GRAMD1B: variants seen among roughly 807,000 people sequenced by gnomAD.
The protein encoded by GRAMD1B is protein Aster-B.
In GRAMD1B, 37 loss-of-function variants were observed where a neutral mutation model predicts 99.7. The observed-to-expected ratio is 0.37, with a 90% CI of 0.29 to 0.49. The LOEUF is 0.49. Ranked by LOEUF, GRAMD1B falls within the 20% of genes least tolerant of loss-of-function variation. The probability of loss-of-function intolerance (pLI) is 0.98; values close to 1 mark genes in which losing one functional copy is unlikely to be tolerated. For missense variants in GRAMD1B, 888 were observed against 1,009.2 expected (o/e 0.88, Z 1.63); for synonymous variants, 427 against 387.6 (o/e 1.10, Z -1.19).
intron 2 of GRAMD1B, among the ~76,000 whole-genome samples, chr11:123,550,124 C>T (rs1945465420): frequency 6.6e-6 from 1 of 152,072 alleles, no homozygotes; most frequent in Non-Finnish European, 1.5e-5. Context: ...AAGTAACTCA[C>T]ATCCGTGAGC....
At chr11:123,503,826 T>A (rs1940145688) in intron 2 of GRAMD1B, among the ~76,000 whole-genome samples, 1 of 152,180 alleles carries the variant, frequency 6.6e-6, no homozygotes, top group Non-Finnish European at 1.5e-5. Context: ...GGATTATAGA[T>A]GTTAGCCACC....
chr11:123,403,692 C>G (rs942887532), intron 1 of GRAMD1B, among the ~76,000 whole-genome samples: 2 of 151,490 alleles, frequency 1.3e-5, no homozygotes, highest in African/African-American at 4.8e-5. Flanking sequence ...TACAGGCATG[C>G]ACAACCACGC....
At chr11:123,539,268 T>A (rs1332747991) in intron 2 of GRAMD1B, among the ~76,000 whole-genome samples, 2 of 152,004 alleles carry the variant, frequency 1.3e-5, no homozygotes, top group African/African-American at 4.8e-5. Context: ...CCAATTTTCA[T>A]TCAGCTGTCA....
intron 1 of GRAMD1B, among the ~76,000 whole-genome samples, chr11:123,379,942 A>T (rs1946817544): frequency 6.6e-6 from 1 of 152,190 alleles, no homozygotes; most frequent in Admixed American, 6.5e-5. Context: ...ATGGCTCATG[A>T]CGTTCAGTAT....
intron 1 of GRAMD1B, among the ~76,000 whole-genome samples, chr11:123,385,632 T>C (rs1408959600): frequency 6.6e-6 from 1 of 152,196 alleles, no homozygotes; most frequent in African/African-American, 2.4e-5. Context: ...CCTATCCCAC[T>C]GCACTTCCCT....
intron 1 of GRAMD1B, among the ~76,000 whole-genome samples, chr11:123,363,820 T>G (rs1230150197): frequency 6.6e-6 from 1 of 152,210 alleles, no homozygotes; most frequent in Non-Finnish European, 1.5e-5. Flanking sequence ...CATCTAGTAC[T>G]TGGTGAGAAC....
At chr11:123,498,364 C>T (rs1300231675) in intron 2 of GRAMD1B, among the ~76,000 whole-genome samples, 1 of 152,228 alleles carries the variant, frequency 6.6e-6, no homozygotes, top group African/African-American at 2.4e-5. Flanking sequence ...TTGCTGCGCT[C>T]TCCCTCTCCC....
chr11:123,453,713 T>A (rs991634013), intron 1 of GRAMD1B, among the ~76,000 whole-genome samples: 1 of 152,222 alleles, frequency 6.6e-6, no homozygotes, highest in African/African-American at 2.4e-5. Context: ...GAAAGAAATT[T>A]TAATTTGCCT....
At chr11:123,595,299 T>TA (rs397708822) in intron 6 of GRAMD1B, among the ~76,000 whole-genome samples, 2 of 151,302 alleles carry the variant, frequency 1.3e-5, no homozygotes, top group Non-Finnish European at 3.0e-5. Flanking sequence ...TTTTTTTTTT[T>TA]AAACAGAGTT....
chr11:123,586,934 T>G (rs1278953164), intron 4 of GRAMD1B, among the ~76,000 whole-genome samples: 2 of 152,170 alleles, frequency 1.3e-5, no homozygotes, highest in African/African-American at 4.8e-5. Context: ...GTAAAGGCAT[T>G]GTAACGCCCA....
chr11:123,509,774 A>G (rs1940793033), intron 2 of GRAMD1B: 1 of 152,356 alleles, frequency 6.6e-6, no homozygotes, highest in African/African-American at 2.4e-5. Context: ...GCCAGAGAGG[A>G]AGCTGTAGTC....
In GRAMD1B at chr11:123,562,375, G is replaced by A. The variant is rs61167858; in HGVS notation, c.453-14992G>A. Among the ~76,000 whole-genome samples the A allele has an allele frequency of 3.2e-3, 485 of 152,266 alleles. 13 individuals carry two copies. The East Asian group carries it at 0.032, about 10-fold the overall frequency. On this transcript the variant is annotated intron_variant, in intron 2 of 19. Coordinates refer to ENST00000635736, the MANE Select transcript of GRAMD1B (RefSeq NM_001387025.1). ...TCTTTTCTGTTTAGACCAGAGGCCA[G>A]CAGACTGTTTTGGTACAGGGCCAGA...
intron 4 of GRAMD1B, among the ~76,000 whole-genome samples, chr11:123,584,559 C>T (rs1240109748): frequency 1.3e-5 from 2 of 151,888 alleles, no homozygotes; most frequent in Non-Finnish European, 2.9e-5. Flanking sequence ...CCAGCTGTAT[C>T]CCCTGCCTCA....
chr11:123,503,048 T>C (rs1187114281), intron 2 of GRAMD1B, among the ~76,000 whole-genome samples: 1 of 152,028 alleles, frequency 6.6e-6, no homozygotes, highest in Non-Finnish European at 1.5e-5. Flanking sequence ...TGAGAAGAGA[T>C]CAAAATTCAA....
intron 1 of GRAMD1B, among the ~76,000 whole-genome samples, chr11:123,364,799 G>A (rs1946262562): frequency 6.6e-6 from 1 of 151,628 alleles, no homozygotes; most frequent in African/African-American, 2.4e-5. Context: ...TTTTCCCCAG[G>A]CTCCTCTACT....
At chr11:123,618,612 A>G in intron 17 of GRAMD1B, 81 bp from the exon 18 acceptor site, 1 of 868,266 alleles carries the variant, frequency 1.2e-6, no homozygotes, top group Non-Finnish European at 2.0e-6. Context: ...GGTCAGGGAC[A>G]GCAGCCTCTG....
At chr11:123,565,416 C>A (rs140709988) in intron 2 of GRAMD1B, among the ~76,000 whole-genome samples, 141 of 152,312 alleles carry the variant, frequency 9.3e-4, no homozygotes, top group African/African-American at 3.2e-3. Flanking sequence ...TACAAACAAC[C>A]ATGACACTGT....
chr11:123,442,362 G>C (rs1949448308), intron 1 of GRAMD1B, among the ~76,000 whole-genome samples: 1 of 152,154 alleles, frequency 6.6e-6, no homozygotes, highest in African/African-American at 2.4e-5. Context: ...TAATTTACTA[G>C]AGCTGTTACC....
chr11:123,428,172 C>G (rs1395696699), upstream of GRAMD1B, among the ~76,000 whole-genome samples: 1 of 152,124 alleles, frequency 6.6e-6, no homozygotes, highest in Non-Finnish European at 1.5e-5. Flanking sequence ...AGAGCCCGCC[C>G]AAAACTCAGG....
Sources: gnomAD v4.1 joint callset for allele counts (sites outside exome capture counted in the v4.1 genomes callset) on GRCh38, gnomAD v4.1.1 for gene constraint, MANE v1.5 for transcripts, NCBI Gene and HGNC (gene_info 2026-07-23, HGNC 2026-07-21) for gene names.